The following SLC14A2 variants were observed in gnomAD, a reference collection of about 807,000 sequenced individuals.
The protein encoded by SLC14A2 is solute carrier family 14 member 2, also known as urea transporter 2.
SLC14A2 carries 91 observed loss-of-function variants against 104.6 expected under a neutral mutation model. That is an observed-to-expected ratio of 0.87 (90% confidence interval 0.73 to 1.04). The LOEUF (loss-of-function observed/expected upper bound fraction) is 1.04. Among genes scored for constraint, SLC14A2 ranks in the 50% least tolerant of loss-of-function variants. SLC14A2 has a pLI of 0.00. For missense variants in SLC14A2, 1,189 were observed against 1,156.0 expected (o/e 1.03, Z -0.41); for synonymous variants, 476 against 466.4 (o/e 1.02, Z -0.27).
chr18:45,558,932 A>G (rs1337723841), intron 2 of SLC14A2, among the ~76,000 whole-genome samples: 2 of 152,136 alleles, frequency 1.3e-5, no homozygotes, highest in African/African-American at 2.4e-5. Context: ...CTGGGACTAC[A>G]GGTGTGCACC....
At chr18:45,553,284 G>A (rs1384461938) in intron 2 of SLC14A2, among the ~76,000 whole-genome samples, 3 of 152,172 alleles carry the variant, frequency 2.0e-5, no homozygotes, top group Non-Finnish European at 4.4e-5. Context: ...CATACAAATA[G>A]TTGATTTTCA....
chr18:45,185,079 C>A, the SLC14A2 span, among the ~76,000 whole-genome samples: 4 of 152,130 alleles, frequency 2.6e-5, no homozygotes, highest in Non-Finnish European at 5.9e-5. Flanking sequence ...GAGTGGAGAG[C>A]CAGTTCCCTA....
chr18:45,542,760 G>A (rs894034950), intron 2 of SLC14A2, among the ~76,000 whole-genome samples: 7 of 152,132 alleles, frequency 4.6e-5, no homozygotes, highest in Admixed American at 3.9e-4. Context: ...GAACATGACA[G>A]TGAGGTTTCT....
chr18:45,535,495 C>T lies in SLC14A2; in HGVS notation c.-35+52173C>T, dbSNP rs117323789. Among the ~76,000 whole-genome samples, 648 of 152,274 alleles carry T rather than the reference C, an allele frequency of 4.3e-3. 3 individuals carry two copies. The highest frequency in any genetic ancestry group is 6.8e-3 in the Non-Finnish European group (462 of 68,026). On this transcript the variant is annotated intron_variant, in intron 2 of 20. Transcript: ENST00000586448. The stretch of plus-strand genomic sequence containing the variant: ...CGACCATCCCGTGAGATATATATTT[C>T]CATCCTCATCTTACAGATGAGGAAG...
chr18:45,389,961 T>G lies in SLC14A2; in HGVS notation c.-124-93272T>G, dbSNP rs147372408. On this transcript the variant is annotated intron_variant, in intron 1 of 20. Coordinates refer to the SLC14A2 transcript ENST00000586448. ...TCTGTACCTTCCTCCTTCCTCTCAA[T>G]TTTGCTAGAATGAAACCTAAAACTG... is the stretch of plus-strand genomic sequence containing the variant. Among the ~76,000 whole-genome samples the G allele has an allele frequency of 4.0e-3, 611 of 152,286 alleles. 3 individuals are homozygous for G. The highest frequency in any genetic ancestry group is 0.014 in the African/African-American group (589 of 41,558).
intron 1 of SLC14A2, among the ~76,000 whole-genome samples, chr18:45,381,746 A>G (rs1296758728): frequency 6.6e-6 from 1 of 152,148 alleles, no homozygotes; most frequent in Admixed American, 6.6e-5. Context: ...GGGCAGGGGA[A>G]CAGGGTGGTG....
intron 1 of SLC14A2, among the ~76,000 whole-genome samples, chr18:45,392,462 C>G (rs2085981110): frequency 6.6e-6 from 1 of 152,186 alleles, no homozygotes; most frequent in Admixed American, 6.5e-5. Flanking sequence ...ATTCACCCAG[C>G]CTTCACCATA....
chr18:45,664,025 A>C, intron 11 of SLC14A2, 118 bp downstream of exon 11: 2 of 1,044,608 alleles, frequency 1.9e-6, no homozygotes, highest in South Asian at 1.7e-5. Context: ...GTCAGACTTG[A>C]CCTCTCACAC....
chr18:45,602,748 TG>T (rs2144416343), intron 2 of SLC14A2, among the ~76,000 whole-genome samples: 1 of 152,320 alleles, frequency 6.6e-6, no homozygotes, highest in Admixed American at 6.5e-5. Flanking sequence ...TCTGCTTCCT[TG>T]TGGTAAAATG....
At chr18:45,602,541 G>A (rs2044806738) in intron 2 of SLC14A2, among the ~76,000 whole-genome samples, 1 of 152,206 alleles carries the variant, frequency 6.6e-6, no homozygotes, top group Non-Finnish European at 1.5e-5. Context: ...TTGGTGTGAT[G>A]TGAAAAACAC....
intron 2 of SLC14A2, among the ~76,000 whole-genome samples, chr18:45,602,146 A>G (rs2044799877): frequency 6.6e-6 from 1 of 152,268 alleles, no homozygotes; most frequent in African/African-American, 2.4e-5. Flanking sequence ...TCAAAAGGCC[A>G]TGGATGAGCC....
In SLC14A2 at chr18:45,650,322, AT is replaced by A. The variant is rs200332317; in HGVS notation, c.1351+6172del. On this transcript the variant is annotated intron_variant, in intron 10 of 19. Transcript: ENST00000255226. ...AATAGAAGATCCATGTGTGTTTATG[AT>A]TTTTTTTTTAATTTTCTATCTCCTC... Among the ~76,000 whole-genome samples, 198 of 150,382 alleles carry A rather than the reference AT, an allele frequency of 1.3e-3. 4 individuals are homozygous for A. The East Asian group carries it at 0.024, about 19-fold the overall frequency.
intron 1 of SLC14A2, among the ~76,000 whole-genome samples, chr18:45,382,526 A>G (rs1347555061): frequency 6.6e-6 from 1 of 152,214 alleles, no homozygotes; most frequent in African/African-American, 2.4e-5. Context: ...ACTCTTCTGT[A>G]GTACTTAACT....
intron 1 of SLC14A2, among the ~76,000 whole-genome samples, chr18:45,623,234 C>A (rs564021269): frequency 1.3e-5 from 2 of 152,202 alleles, no homozygotes; most frequent in East Asian, 3.9e-4. Flanking sequence ...TGATATTAAG[C>A]CCATGCTGGG....
rs186406842 is a variant in SLC14A2, at chr18:45,391,746, A to G, written c.-124-91487A>G. Among the ~76,000 whole-genome samples the G allele has an allele frequency of 7.7e-3, 1,165 of 152,230 alleles. 15 individuals carry two copies. The highest frequency in any genetic ancestry group is 0.024 in the African/African-American group (1,011 of 41,526). On this transcript the variant is annotated intron_variant, in intron 1 of 20. Transcript: ENST00000586448. ...CTTCTTTTGAGAAGTGTCTGTTCAT[A>G]TCCTTCGCCCACTTTTTGATGGGGT...
intron 10 of SLC14A2, among the ~76,000 whole-genome samples, chr18:45,649,033 T>A (rs1486440451): frequency 6.6e-6 from 1 of 152,122 alleles, no homozygotes; most frequent in Non-Finnish European, 1.5e-5. Context: ...TTGCTGGGCA[T>A]GGTGGCGGGT....
At chr18:45,372,316 C>CAACAAT (rs1555679895) in intron 1 of SLC14A2, among the ~76,000 whole-genome samples, 2 of 148,478 alleles carry the variant, frequency 1.3e-5, no homozygotes, top group African/African-American at 2.5e-5. Context: ...GTCTCAAAAA[C>CAACAAT]AATAATAATA....
chr18:45,279,755 A>T (rs2084742095), intron 1 of SLC14A2, among the ~76,000 whole-genome samples: 2 of 152,216 alleles, frequency 1.3e-5, no homozygotes, highest in African/African-American at 4.8e-5. Flanking sequence ...TACCCTTAAG[A>T]AACTTACAAC....
intron 2 of SLC14A2, among the ~76,000 whole-genome samples, chr18:45,488,332 C>T (rs10502864): frequency 2.6e-5 from 4 of 152,008 alleles, no homozygotes; most frequent in African/African-American, 9.7e-5. Flanking sequence ...ATCCAGGGTT[C>T]TGCCCAAACA....
Sources: gnomAD v4.1 joint callset for allele counts (sites outside exome capture counted in the v4.1 genomes callset) on GRCh38, gnomAD v4.1.1 for gene constraint, MANE v1.5 for transcripts, NCBI Gene and HGNC (gene_info 2026-07-23, HGNC 2026-07-21) for gene names.